COL4A2: variants seen among roughly 807,000 people sequenced by gnomAD.
COL4A2 encodes the protein collagen type IV alpha 2 chain, also known as collagen alpha-2(IV) chain.
In COL4A2, 99 loss-of-function variants were observed where a neutral mutation model predicts 200.2. That is an observed-to-expected ratio of 0.49 (90% CI 0.42 to 0.58). COL4A2 has a LOEUF of 0.58. Ranked by LOEUF, COL4A2 falls within the 20% of genes least tolerant of loss-of-function variation. COL4A2 has a pLI of 0.00. For synonymous variants in COL4A2, 897 were observed against 900.6 expected, an observed-to-expected ratio of 1.00 and a Z score of 0.07; for missense variants, 1,950 against 2,314.1, an observed-to-expected ratio of 0.84 and a Z score of 3.23.
chr13:110,335,127 G>A (rs1189040977), intron 3 of COL4A2, among the ~76,000 whole-genome samples: 1 of 152,088 alleles, frequency 6.6e-6, no homozygotes, highest in Non-Finnish European at 1.5e-5. Flanking sequence ...TCTGGGCTCA[G>A]GTGCAGACAT....
intron 3 of COL4A2, among the ~76,000 whole-genome samples, chr13:110,351,735 C>T (rs1011062582): frequency 4.6e-5 from 7 of 152,154 alleles, no homozygotes; most frequent in Non-Finnish European, 8.8e-5. Flanking sequence ...GGGGTCTGGC[C>T]TCCAGGTTGG....
At chr13:110,436,071 T>C in intron 12 of COL4A2, 198 bp from the exon 13 acceptor site, 7 of 778,746 alleles carry the variant, frequency 9.0e-6, no homozygotes, top group Admixed American at 6.0e-5. Context: ...TTCTAAATGA[T>C]TGCTAATGAA....
chr13:110,496,131 ATGGACAGCC>A (rs1330182503), intron 40 of COL4A2, among the ~76,000 whole-genome samples: 2 of 152,116 alleles, frequency 1.3e-5, no homozygotes, highest in East Asian at 3.9e-4. Flanking sequence ...GCACACCTGG[ATGGACAGCC>A]TGGGCACCCT....
intron 38 of COL4A2, among the ~76,000 whole-genome samples, chr13:110,492,455 T>C (rs937608677): frequency 1.3e-5 from 2 of 152,176 alleles, no homozygotes; most frequent in African/African-American, 4.8e-5. Flanking sequence ...CAGGGTCCAC[T>C]TGTCATCGCC....
At chr13:110,390,292 G>T (rs890578682) in intron 4 of COL4A2, among the ~76,000 whole-genome samples, 5 of 152,224 alleles carry the variant, frequency 3.3e-5, no homozygotes, top group Non-Finnish European at 7.3e-5. Context: ...CAGGGCTCTT[G>T]AGCTCGTTGG....
intron 3 of COL4A2, among the ~76,000 whole-genome samples, chr13:110,350,851 C>T (rs9588144): frequency 0.087 from 13,183 of 152,154 alleles, 1,904 homozygotes; most frequent in African/African-American, 0.3. Flanking sequence ...GCTGGGAGAG[C>T]AGCTGCCCTT....
intron 40 of COL4A2, among the ~76,000 whole-genome samples, chr13:110,497,020 G>C: frequency 6.6e-6 from 1 of 150,524 alleles, no homozygotes. Context: ...CCTCAGTCAG[G>C]GGTGAGGATC....
chr13:110,503,950 G>T lies in COL4A2; in HGVS notation c.4242G>T (p.Gly1414=). ...VGPQGRRGPP[G]APGEMGPQGP... ...CCCAGGGGAGGCGAGGCCCCCCTGG[G>T]GCACCGGGGGAGATGGGGCCCCAGG... Residue 1414 remains glycine, a synonymous_variant, in exon 44 of 48, where the codon GGG becomes GGT. Transcript: ENST00000360467. 6.4e-7 allele frequency: 1 copy of T among 1,574,022 alleles called. No individual in the cohort carries two copies. The highest frequency in any genetic ancestry group is 8.6e-7 in the Non-Finnish European group (1 of 1,158,688).
Position 110,439,843 on chromosome 13 carries a change from A to T in COL4A2, c.957+10A>T. 1 of 1,613,936 alleles carries T rather than the reference A, an allele frequency of 6.2e-7. No individual in the cohort carries two copies. Among genetic ancestry groups the T allele is most frequent in the Non-Finnish European group, 8.5e-7 (1 of 1,179,950 alleles). On this transcript the variant is annotated intron_variant, in intron 16 of 47. Coordinates refer to ENST00000360467, the MANE Select transcript of COL4A2 (RefSeq NM_001846.4). The stretch of plus-strand genomic sequence containing the variant: ...ATCACCAGGACAGAAGGTAAGTTGG[A>T]TGCATGAACTGCAGTCTGCTCTGGG...
rs56003851 is a variant in COL4A2 at position 110,461,829 on chromosome 13, C to A, written c.1597-285C>A. On this transcript the variant is annotated intron_variant, in intron 22 of 47. Transcript: ENST00000360467. ...CGATTACAGAAGTGAATCACCGCGC[C>A]CGGCCACATTGTAATTATTTAAAAT... 0.25 allele frequency among the ~76,000 whole-genome samples: 37,789 copies of A among 151,914 alleles called. 5,391 individuals carry two copies. Among genetic ancestry groups the A allele is most frequent in the Middle Eastern group, 0.41 (122 of 294 alleles).
rs530293368 is a variant in COL4A2 at position 110,307,604 on chromosome 13, C to T, written c.-45+76C>T. Reference sequence around the variant, plus strand: ...TTGGAGCGCCTTGTGCAGGCTAGGGCTGCACGCTCTCCTGCTTGGGAGTAG... The same window carrying T: ...TTGGAGCGCCTTGTGCAGGCTAGGGTTGCACGCTCTCCTGCTTGGGAGTAG... On this transcript the variant is annotated intron_variant, in intron 1 of 47. Coordinates refer to ENST00000360467, the MANE Select transcript of COL4A2 (RefSeq NM_001846.4). This position sits in a 1 kb window ranked among gnomAD's most constrained non-coding sequence, Gnocchi z 5.0. The T allele has an allele frequency of 5.3e-4, 277 of 518,586 alleles. No individual in the cohort carries two copies. The highest frequency in any genetic ancestry group is 5.0e-3 in the African/African-American group (258 of 51,790). The allele number at this position is 518,586 out of a possible 1,614,324, so 32.1% of individuals were successfully genotyped here.
At chr13:110,471,912 T>G (rs988136140) in intron 28 of COL4A2, among the ~76,000 whole-genome samples, 4 of 151,878 alleles carry the variant, frequency 2.6e-5, no homozygotes, top group Admixed American at 6.6e-5. Context: ...ACAGCGGGGG[T>G]GGTGGTGACC....
intron 20 of COL4A2, among the ~76,000 whole-genome samples, chr13:110,452,676 A>G (rs1233810023): frequency 6.6e-6 from 1 of 152,204 alleles, no homozygotes; most frequent in African/African-American, 2.4e-5. Flanking sequence ...ATATTCTCAC[A>G]TTATTCTGAA....
chr13:110,316,696 G>A (rs778155740), intron 3 of COL4A2, among the ~76,000 whole-genome samples: 4 of 152,122 alleles, frequency 2.6e-5, no homozygotes, highest in African/African-American at 4.8e-5. Flanking sequence ...TCTAAGCCAC[G>A]GATGGTTCAC....
intron 3 of COL4A2, among the ~76,000 whole-genome samples, chr13:110,317,017 GACAC>G (rs1209761189): frequency 4.6e-4 from 70 of 151,744 alleles, no homozygotes; most frequent in African/African-American, 1.6e-3. Context: ...CACACACACA[GACAC>G]ACAGATGCAC....
At chr13:110,387,477 G>A (rs940009426) in intron 4 of COL4A2, among the ~76,000 whole-genome samples, 2 of 152,152 alleles carry the variant, frequency 1.3e-5, no homozygotes, top group Non-Finnish European at 2.9e-5. Context: ...AAATGTGTAG[G>A]GACAAGGACC....
chr13:110,431,900 A>G (rs1880693952), intron 10 of COL4A2, among the ~76,000 whole-genome samples: 1 of 152,234 alleles, frequency 6.6e-6, no homozygotes, highest in Non-Finnish European at 1.5e-5. Context: ...CTGCAGTGCC[A>G]GCTTGTAGAT....
chr13:110,361,816 G>A (rs1466689885), intron 4 of COL4A2, among the ~76,000 whole-genome samples: 6 of 152,190 alleles, frequency 3.9e-5, no homozygotes, highest in Admixed American at 1.3e-4. Context: ...CAGGAGCTGT[G>A]TACCGGCTGC....
intron 3 of COL4A2, among the ~76,000 whole-genome samples, chr13:110,352,112 A>G (rs1454976262): frequency 1.3e-5 from 2 of 152,220 alleles, no homozygotes; most frequent in Non-Finnish European, 2.9e-5. Flanking sequence ...GATGATGATG[A>G]TGACGATGAT....
Sources: gnomAD v4.1 joint callset for allele counts (sites outside exome capture counted in the v4.1 genomes callset) on GRCh38, gnomAD v4.1.1 for gene constraint, Gnocchi (gnomAD v3.1) non-coding constraint, MANE v1.5 for transcripts, NCBI Gene and HGNC (gene_info 2026-07-23, HGNC 2026-07-21) for gene names.